The following MED12L variants were observed in gnomAD, a reference collection of about 807,000 sequenced individuals.
MED12L encodes the protein mediator complex subunit 12L.
MED12L carries 60 observed loss-of-function variants against 281.3 expected under a neutral mutation model. That is an observed-to-expected ratio of 0.21 (90% CI 0.17 to 0.26). The LOEUF is 0.26. Among genes scored for constraint, MED12L ranks in the 10% least tolerant of loss-of-function variants. The probability of loss-of-function intolerance (pLI) is 1.00; values close to 1 mark genes in which losing one functional copy is unlikely to be tolerated. For missense variants in MED12L, 2,146 were observed against 2,680.9 expected, an observed-to-expected ratio of 0.80 and a Z score of 4.41; for synonymous variants, 974 against 987.2, an observed-to-expected ratio of 0.99 and a Z score of 0.25.
intron 2 of MED12L, among the ~76,000 whole-genome samples, chr3:151,109,917 A>G (rs548365084): frequency 1.2e-3 from 190 of 152,272 alleles, no homozygotes; most frequent in African/African-American, 4.5e-3. Flanking sequence ...GATCTTGACT[A>G]ACTGTTGTGT....
chr3:151,213,342 G>T, intron 16 of MED12L: 1 of 1,612,444 alleles, frequency 6.2e-7, no homozygotes, highest in South Asian at 1.1e-5. Context: ...TTCCTCTTTT[G>T]ATTCTGGAAA....
chr3:151,307,211 G>T (rs1174281097), intron 16 of MED12L, among the ~76,000 whole-genome samples: 2 of 152,178 alleles, frequency 1.3e-5, no homozygotes, highest in Non-Finnish European at 2.9e-5. Flanking sequence ...GTAAATTTAT[G>T]TGTGTTTTTC....
Position 151,099,127 on chromosome 3 carries a change from C to T in MED12L, c.99+12102C>T, listed in dbSNP as rs575196448. On this transcript the variant is annotated intron_variant, in intron 2 of 44. Transcript: ENST00000687756. Reference sequence around the variant, plus strand: ...TAACAGGTGGGGATTATGGGAACTACAATTCAAGATGAGATTTGGGTGGGG... The same window carrying T: ...TAACAGGTGGGGATTATGGGAACTATAATTCAAGATGAGATTTGGGTGGGG... Among the ~76,000 whole-genome samples the T allele has an allele frequency of 5.3e-5, 8 of 152,232 alleles. No individual in the cohort carries two copies. The East Asian group carries it at 1.5e-3, about 29-fold the overall frequency.
chr3:151,103,096 G>A (rs2148667903), intron 2 of MED12L, among the ~76,000 whole-genome samples: 1 of 152,334 alleles, frequency 6.6e-6, no homozygotes, highest in South Asian at 2.1e-4. Flanking sequence ...GCATACCTCA[G>A]CAATAAGGGA....
At chr3:151,136,974 C>T (rs1290217749) in intron 5 of MED12L, among the ~76,000 whole-genome samples, 2 of 151,682 alleles carry the variant, frequency 1.3e-5, no homozygotes, top group Non-Finnish European at 2.9e-5. Context: ...CCATCCTGGC[C>T]AACATGGTGA....
intron 16 of MED12L, among the ~76,000 whole-genome samples, chr3:151,204,162 G>A (rs1430298058): frequency 6.6e-6 from 1 of 152,130 alleles, no homozygotes; most frequent in Non-Finnish European, 1.5e-5. Context: ...TTAGGGTCTG[G>A]TTTCTTCTAA....
intron 16 of MED12L, among the ~76,000 whole-genome samples, chr3:151,290,669 T>C (rs1744135926): frequency 6.6e-6 from 1 of 152,020 alleles, no homozygotes; most frequent in Admixed American, 6.6e-5. Context: ...ACAAAACTTC[T>C]TGACAGCATT....
intron 5 of MED12L, among the ~76,000 whole-genome samples, chr3:151,150,816 C>T (rs939530927): frequency 1.3e-5 from 2 of 152,156 alleles, no homozygotes; most frequent in Non-Finnish European, 2.9e-5. Flanking sequence ...TTAAACTTCA[C>T]GTACTAGCTC....
At chr3:151,179,333 G>A (rs73018611) in intron 11 of MED12L, among the ~76,000 whole-genome samples, 9,250 of 146,516 alleles carry the variant, frequency 0.063, 573 homozygotes, top group African/African-American at 0.16. Context: ...GAGCCAGACC[G>A]AAAAAAAAAA....
intron 11 of MED12L, among the ~76,000 whole-genome samples, chr3:151,184,809 G>A (rs1723080168): frequency 6.6e-6 from 1 of 152,102 alleles, no homozygotes; most frequent in Admixed American, 6.5e-5. Flanking sequence ...CCATTGGGAC[G>A]GGTGTTTTAC....
chr3:151,276,146 G>C (rs1412267992), intron 16 of MED12L, among the ~76,000 whole-genome samples: 1 of 152,226 alleles, frequency 6.6e-6, no homozygotes, highest in Non-Finnish European at 1.5e-5. Flanking sequence ...CCCAGGACAT[G>C]GGGTCACCCA....
At chr3:151,090,877 T>TA (rs1307958342) in intron 2 of MED12L, among the ~76,000 whole-genome samples, 2 of 151,858 alleles carry the variant, frequency 1.3e-5, no homozygotes, top group African/African-American at 4.8e-5. Flanking sequence ...CCGTCTCTAC[T>TA]AAAAAATACA....
chr3:151,104,884 T>C (rs1208648178), intron 2 of MED12L, among the ~76,000 whole-genome samples: 1 of 152,118 alleles, frequency 6.6e-6, no homozygotes, highest in Non-Finnish European at 1.5e-5. Flanking sequence ...ATTACTGTCT[T>C]CCCCCTGTGT....
At chr3:151,349,973 G>A in intron 16 of MED12L, 86 bp from the exon 17 acceptor site, 1 of 1,254,402 alleles carries the variant, frequency 8.0e-7, no homozygotes, top group Non-Finnish European at 1.1e-6. Context: ...CAGCATGGAG[G>A]TGCTGTGGTC....
chr3:151,105,600 G>A (rs1031778636), intron 2 of MED12L, among the ~76,000 whole-genome samples: 2 of 152,010 alleles, frequency 1.3e-5, no homozygotes, highest in African/African-American at 4.8e-5. Context: ...AGTCTTTTTT[G>A]AAGGCTTATC....
chr3:151,361,649 G>A (rs796431894), intron 21 of MED12L, among the ~76,000 whole-genome samples: 5 of 152,006 alleles, frequency 3.3e-5, no homozygotes, highest in South Asian at 2.1e-4. Context: ...TCCAGAATTT[G>A]TATTGAATTA....
intron 5 of MED12L, among the ~76,000 whole-genome samples, chr3:151,144,592 G>A (rs2148882544): frequency 6.6e-6 from 1 of 152,210 alleles, no homozygotes; most frequent in South Asian, 2.1e-4. Context: ...CTTAAGCATT[G>A]ACTACCTGAC....
intron 16 of MED12L, among the ~76,000 whole-genome samples, chr3:151,318,727 C>T (rs924189022): frequency 9.9e-5 from 15 of 151,936 alleles, no homozygotes; most frequent in African/African-American, 3.4e-4. Flanking sequence ...AGAATAAAGA[C>T]CTTTTAAAAA....
intron 43 of MED12L, among the ~76,000 whole-genome samples, chr3:151,428,873 T>C (rs1719148701): frequency 6.6e-6 from 1 of 151,928 alleles, no homozygotes; most frequent in African/African-American, 2.4e-5. Flanking sequence ...TGCTTGGAAC[T>C]AAAACATTAT....
Sources: gnomAD v4.1 joint callset for allele counts (sites outside exome capture counted in the v4.1 genomes callset) on GRCh38, gnomAD v4.1.1 for gene constraint, MANE v1.5 for transcripts, NCBI Gene and HGNC (gene_info 2026-07-23, HGNC 2026-07-21) for gene names.